Variants in LARP1B observed in about 807,000 individuals in gnomAD.
The protein encoded by LARP1B is La ribonucleoprotein 1B.
LARP1B carries 76 observed loss-of-function variants against 114.2 expected under a neutral mutation model. That is an observed-to-expected ratio of 0.67 (90% CI 0.55 to 0.81). The LOEUF (loss-of-function observed/expected upper bound fraction) is 0.81, where lower values mean the gene tolerates loss of function less well. Among genes scored for constraint, LARP1B ranks in the 30% least tolerant of loss-of-function variants. LARP1B has a pLI of 0.00. For missense variants in LARP1B, 1,014 were observed against 1,075.8 expected (o/e 0.94, Z 0.80); for synonymous variants, 345 against 348.0 (o/e 0.99, Z 0.10).
At chr4:128,116,047 T>G (rs1785694812) in intron 10 of LARP1B, among the ~76,000 whole-genome samples, 1 of 152,346 alleles carries the variant, frequency 6.6e-6, no homozygotes, top group East Asian at 1.9e-4. Flanking sequence ...CTGGTTTATA[T>G]ATGTTTTGGT....
At chr4:128,171,116 T>C (rs1743484289) in intron 12 of LARP1B, among the ~76,000 whole-genome samples, 1 of 151,890 alleles carries the variant, frequency 6.6e-6, no homozygotes, top group Non-Finnish European at 1.5e-5. Context: ...TTTTTTTTTT[T>C]TCCTTTCTCT....
intron 8 of LARP1B, among the ~76,000 whole-genome samples, chr4:128,100,517 C>G (rs1374217054): frequency 2.0e-5 from 3 of 152,130 alleles, no homozygotes; most frequent in African/African-American, 7.2e-5. Flanking sequence ...TATGATCTGC[C>G]CGCCTCAGCC....
chr4:128,167,624 A>G (rs1029325981), intron 12 of LARP1B, among the ~76,000 whole-genome samples: 1 of 151,996 alleles, frequency 6.6e-6, no homozygotes, highest in African/African-American at 2.4e-5. Flanking sequence ...TGTGGGTCAT[A>G]TTTTTAAAAA....
rs1004387103 is a variant in LARP1B at position 128,199,528 on chromosome 4, C to T, written c.2093C>T (p.Ser698Phe). 3.7e-6 allele frequency: 6 copies of T among 1,602,018 alleles called. No individual in the cohort carries two copies. In the Admixed American group the frequency reaches 1.0e-4, roughly 27 times the overall value. ...PHSFPKFQHP[S>F]HELLKENGFT... ...TCATTCCCAAAGTTCCAGCATCCTTCTCATGAACTTTTGAAGGAAAATGGC... is the reference window on the plus strand; with the variant it reads ...TCATTCCCAAAGTTCCAGCATCCTTTTCATGAACTTTTGAAGGAAAATGGC... The change falls in exon 16 of 20, where the codon TCT becomes TTT. Residue 698 changes from serine to phenylalanine, a missense_variant. Transcript: ENST00000326639.
intron 9 of LARP1B, chr4:128,107,796 C>T: frequency 1.8e-5 from 28 of 1,527,906 alleles, no homozygotes; most frequent in Non-Finnish European, 2.4e-5. Flanking sequence ...TTAGAATTTC[C>T]AAAAGATTTA....
intron 7 of LARP1B, among the ~76,000 whole-genome samples, chr4:128,221,184 G>C (rs1208983265): frequency 1.3e-5 from 2 of 152,128 alleles, no homozygotes; most frequent in Non-Finnish European, 2.9e-5. Context: ...AATCTTTTGG[G>C]AGGAAATTTT....
intron 19 of LARP1B, among the ~76,000 whole-genome samples, chr4:128,208,795 T>C (rs897036798): frequency 6.6e-6 from 1 of 152,230 alleles, no homozygotes; most frequent in Non-Finnish European, 1.5e-5. Context: ...TGAAGATGTT[T>C]AAATTTGGTG....
At chr4:128,131,131 T>C (rs963658260) in intron 11 of LARP1B, among the ~76,000 whole-genome samples, 6 of 152,314 alleles carry the variant, frequency 3.9e-5, no homozygotes, top group South Asian at 2.1e-4. Context: ...TCAAAACCCA[T>C]AGAAAATGTA....
At chr4:128,063,336 G>A (rs1463031884) in intron 1 of LARP1B, among the ~76,000 whole-genome samples, 1 of 142,966 alleles carries the variant, frequency 7.0e-6, no homozygotes, top group Non-Finnish European at 1.5e-5. Flanking sequence ...CTGAGGCAGG[G>A]AGAATCGCTT....
intron 10 of LARP1B, among the ~76,000 whole-genome samples, chr4:128,115,078 T>C (rs1395848315): frequency 6.6e-6 from 1 of 151,974 alleles, no homozygotes; most frequent in South Asian, 2.1e-4. Flanking sequence ...GCTGGGATTA[T>C]AGGCGCGAGC....
At chr4:128,222,738 A>G (rs1330768380), downstream of LARP1B, 80 of 165,832 alleles carry the variant, frequency 4.8e-4, no homozygotes, top group Non-Finnish European at 6.5e-5. Flanking sequence ...AGACATTCCA[A>G]TTGAGGATTG....
At chr4:128,100,852 C>G (rs947513314) in intron 8 of LARP1B, among the ~76,000 whole-genome samples, 1 of 147,330 alleles carries the variant, frequency 6.8e-6, no homozygotes, top group African/African-American at 2.5e-5. Context: ...GAGTCTTGCT[C>G]TGTCACCCAG....
intron 15 of LARP1B, 130 bp downstream of exon 15, chr4:128,179,642 A>C: frequency 1.9e-6 from 1 of 513,134 alleles, no homozygotes; most frequent in Non-Finnish European, 3.4e-6. Context: ...AAAATGGTAC[A>C]AAGAAGCCAA....
chr4:128,211,086 G>A lies in LARP1B; in HGVS notation c.*1033G>A, dbSNP rs1164896881. 2 of 897,468 alleles carry A rather than the reference G, an allele frequency of 2.2e-6. No homozygotes were observed. The highest frequency in any genetic ancestry group is 1.3e-6 in the Non-Finnish European group (1 of 750,360). The allele number at this position is 897,468 out of a possible 1,614,324, so 55.6% of individuals were successfully genotyped here. ...ATTGCTATTACAACTGATGTAAATG[G>A]TAGTTTCAGTTTTTGTGAGATTTAA... On this transcript the variant is annotated 3_prime_UTR_variant, in exon 20 of 20. Coordinates refer to ENST00000326639, the MANE Select transcript of LARP1B (RefSeq NM_018078.4).
intron 11 of LARP1B, among the ~76,000 whole-genome samples, chr4:128,137,796 T>A (rs916929898): frequency 6.7e-5 from 10 of 149,772 alleles, no homozygotes; most frequent in Non-Finnish European, 1.0e-4. Context: ...TATATATTTT[T>A]TTTTTAGGGG....
At position 128,122,121 on chromosome 4, in the gene LARP1B, A is replaced by T. The variant is rs1428046333; in HGVS notation, c.1457A>T (p.Asp486Val). The change falls in exon 11 of 20, where the codon GAT becomes GTT. Residue 486 changes from aspartate to valine, a missense_variant. Physicochemically the swap from Asp to Val is radical, Grantham distance 152. Transcript: ENST00000326639. Reference protein sequence around the residue: ...ITSELAKVINDGLYYYEQDLW... With the variant: ...ITSELAKVINVGLYYYEQDLW... ...TCTGAACTTGCTAAAGTTATCAATG[A>T]TGGCTTATACTATTATGAACAGGAT... The T allele has an allele frequency of 6.2e-7, 1 of 1,614,110 alleles. No homozygotes were observed. Among genetic ancestry groups the T allele is most frequent in the East Asian group, 2.2e-5 (1 of 44,864 alleles).
At chr4:128,077,532 G>GTTTTT (rs1385752434) in intron 3 of LARP1B, among the ~76,000 whole-genome samples, 2 of 147,580 alleles carry the variant, frequency 1.4e-5, no homozygotes, top group Admixed American at 1.4e-4. Flanking sequence ...AAAAAAAGTG[G>GTTTTT]TATTGATTTG....
chr4:128,178,434 T>C lies in LARP1B; in HGVS notation c.1688T>C (p.Leu563Ser). 6.2e-7 allele frequency: 1 copy of C among 1,608,708 alleles called. No individual in the cohort carries two copies. The highest frequency in any genetic ancestry group is 8.5e-7 in the Non-Finnish European group (1 of 1,176,950). ...QGVLHIPKKD[L>S]TDELAQKLFD... is the part of the protein sequence containing the mutation. Reference sequence around the variant, plus strand: ...TTAAGAGTTTTTTATTTTGCAGATTTGACTGATGAATTAGCTCAGAAGTTA... The same window carrying C: ...TTAAGAGTTTTTTATTTTGCAGATTCGACTGATGAATTAGCTCAGAAGTTA... The change falls in exon 14 of 20, where the codon TTG becomes TCG. Residue 563 changes from leucine (L) to serine (S), a missense_variant. By Grantham distance (145) the Leu-to-Ser change is moderately radical. Coordinates refer to ENST00000326639, the MANE Select transcript of LARP1B (RefSeq NM_018078.4).
downstream of LARP1B, among the ~76,000 whole-genome samples, chr4:128,214,674 A>G (rs1243018658): frequency 1.4e-5 from 1 of 70,280 alleles, no homozygotes; most frequent in Admixed American, 1.8e-4. Context: ...AAAAGTAGAT[A>G]AAACCACAAA....
Sources: allele counts gnomAD v4.1 joint callset (sites outside exome capture counted in the v4.1 genomes callset), GRCh38; gene constraint gnomAD v4.1.1; transcripts MANE v1.5; gene names NCBI Gene and HGNC (gene_info 2026-07-23, HGNC 2026-07-21).